Variants in SGCD observed in about 807,000 individuals in gnomAD.
SGCD encodes delta-sarcoglycan.
Under a neutral mutation model 36.6 loss-of-function variants are expected in SGCD, and 18 were observed. That is an observed-to-expected ratio of 0.49 (90% confidence interval 0.34 to 0.73). The LOEUF (loss-of-function observed/expected upper bound fraction) is 0.73, where lower values mean the gene tolerates loss of function less well. Ranked by LOEUF, SGCD falls within the 30% of genes least tolerant of loss-of-function variation. The pLI is 0.01. For missense variants in SGCD, 387 were observed against 346.7 expected, an observed-to-expected ratio of 1.12 and a Z score of -0.92; for synonymous variants, 133 against 130.6, an observed-to-expected ratio of 1.02 and a Z score of -0.12.
chr5:155,948,666 T>C (rs1354003259), intron 1 of SGCD, among the ~76,000 whole-genome samples: 2 of 152,172 alleles, frequency 1.3e-5, no homozygotes, highest in Non-Finnish European at 2.9e-5. Flanking sequence ...TTGCTAATGA[T>C]CTTAAATGGG....
intron 7 of SGCD, among the ~76,000 whole-genome samples, chr5:156,661,909 T>C (rs369429821): frequency 0.014 from 2,013 of 146,342 alleles, no homozygotes; most frequent in East Asian, 0.11. Flanking sequence ...TTAACTGTAC[T>C]GTGAGGAAGG....
chr5:156,335,772 GC>G (rs1215630904), intron 2 of SGCD, among the ~76,000 whole-genome samples: 1 of 151,934 alleles, frequency 6.6e-6, no homozygotes, highest in African/African-American at 2.4e-5. Flanking sequence ...CCTTTTTGAC[GC>G]CCCATGTCTC....
intron 1 of SGCD, among the ~76,000 whole-genome samples, chr5:155,947,292 CTTGTGTGT>C (rs775686498): frequency 3.8e-5 from 4 of 105,398 alleles, no homozygotes; most frequent in East Asian, 2.9e-4. Flanking sequence ...CATAAATACT[CTTGTGTGT>C]GTGTGTGTGT....
At chr5:156,669,049 A>G (rs1421911496) in intron 7 of SGCD, among the ~76,000 whole-genome samples, 1 of 152,184 alleles carries the variant, frequency 6.6e-6, no homozygotes, top group Non-Finnish European at 1.5e-5. Context: ...AATGGCCCAC[A>G]TGGGGTCCTG....
rs1471426462 is a variant in SGCD, at chr5:156,673,304, C to A, written c.575+25768C>A. On this transcript the variant is annotated intron_variant, in intron 7 of 8. Coordinates refer to ENST00000337851, the MANE Select transcript of SGCD (RefSeq NM_000337.6). Reference sequence around the variant, plus strand: ...TTCCGAAAGAGAATAATCCATTCCTCTTTCATTTACTGAAAGCAGTTTTAA... The same window carrying A: ...TTCCGAAAGAGAATAATCCATTCCTATTTCATTTACTGAAAGCAGTTTTAA... Among the ~76,000 whole-genome samples the A allele has an allele frequency of 3.3e-5, 5 of 152,192 alleles. No homozygotes were observed. In the East Asian group the frequency reaches 9.6e-4, roughly 29 times the overall value.
intron 7 of SGCD, among the ~76,000 whole-genome samples, chr5:156,648,350 A>G (rs763095912): frequency 1.3e-4 from 19 of 151,728 alleles, no homozygotes; most frequent in Non-Finnish European, 2.6e-4. Flanking sequence ...TTCATGATAG[A>G]CACCAACCAT....
At chr5:156,339,326 A>G (rs1561629833) in intron 2 of SGCD, among the ~76,000 whole-genome samples, 1 of 152,210 alleles carries the variant, frequency 6.6e-6, no homozygotes, top group Non-Finnish European at 1.5e-5. Flanking sequence ...AACATTGAAA[A>G]TAGTTTTATG....
At chr5:156,572,281 G>A (rs1759754412) in intron 4 of SGCD, among the ~76,000 whole-genome samples, 1 of 152,272 alleles carries the variant, frequency 6.6e-6, no homozygotes, top group African/African-American at 2.4e-5. Flanking sequence ...GAGTTGCTGA[G>A]TAATATGGGA....
chr5:155,864,427 A>G, the SGCD span, among the ~76,000 whole-genome samples: 1 of 152,070 alleles, frequency 6.6e-6, no homozygotes, highest in African/African-American at 2.4e-5. Flanking sequence ...ACATCGGTGG[A>G]GGCGGGGAGG....
rs147837605 is a variant in SGCD at position 155,889,215 on chromosome 5, T to C, written c.-282+18791T>C. On this transcript the variant is annotated intron_variant, in intron 1 of 9. Transcript: ENST00000517913. ...TATATTGATTCCAGGAAGAAACAAG[T>C]AAATGAACTTACCCACGTAGAGGAA... Among the ~76,000 whole-genome samples the C allele has an allele frequency of 3.9e-4, 60 of 152,304 alleles. 1 individual carries two copies. The highest frequency in any genetic ancestry group is 1.3e-3 in the African/African-American group (56 of 41,582).
chr5:155,980,127 T>A (rs374895964), intron 1 of SGCD, among the ~76,000 whole-genome samples: 139 of 152,236 alleles, frequency 9.1e-4, no homozygotes, highest in African/African-American at 3.2e-3. Flanking sequence ...AAGCCAACCA[T>A]GTTGGGACCC....
chr5:156,585,966 C>T (rs990931325), intron 4 of SGCD, among the ~76,000 whole-genome samples: 1 of 152,032 alleles, frequency 6.6e-6, no homozygotes, highest in Non-Finnish European at 1.5e-5. Flanking sequence ...TTCCTATTAA[C>T]ATCTAATATT....
intron 3 of SGCD, among the ~76,000 whole-genome samples, chr5:156,192,034 G>C (rs1763904393): frequency 6.6e-6 from 1 of 152,176 alleles, no homozygotes; most frequent in Non-Finnish European, 1.5e-5. Context: ...ACTTTGGAAT[G>C]ATCCAAGGAG....
intron 3 of SGCD, among the ~76,000 whole-genome samples, chr5:156,241,189 T>C (rs188445096): frequency 6.6e-6 from 1 of 152,128 alleles, no homozygotes. Context: ...GAAATTGATA[T>C]TCAGCTGAAC....
At chr5:156,606,245 G>A (rs1309919447) in intron 6 of SGCD, among the ~76,000 whole-genome samples, 1 of 152,182 alleles carries the variant, frequency 6.6e-6, no homozygotes, top group Non-Finnish European at 1.5e-5. Context: ...AAGGGATCCA[G>A]TTTCAGCTTT....
the SGCD span, among the ~76,000 whole-genome samples, chr5:155,855,459 T>G: frequency 3.9e-5 from 6 of 152,124 alleles, no homozygotes; most frequent in Non-Finnish European, 7.4e-5. Context: ...AATAATCTAC[T>G]TGTAGTGGAA....
chr5:156,079,018 TAAAAAAA>T (rs575699645), intron 1 of SGCD, among the ~76,000 whole-genome samples: 1 of 102,498 alleles, frequency 9.8e-6, no homozygotes, highest in African/African-American at 3.7e-5. Flanking sequence ...GGGTAATTTG[TAAAAAAA>T]AAAAAAAAAA....
intron 3 of SGCD, among the ~76,000 whole-genome samples, chr5:156,186,704 T>C (rs1763770279): frequency 6.6e-6 from 1 of 152,208 alleles, no homozygotes; most frequent in Admixed American, 6.5e-5. Context: ...CTGTCCTGTG[T>C]CTCCAAGCTA....
At chr5:156,344,797 C>A (rs1481733192) in intron 3 of SGCD, 120 bp downstream of exon 3, 1 of 687,580 alleles carries the variant, frequency 1.5e-6, no homozygotes, top group Non-Finnish European at 2.4e-6. Context: ...TCTGTAACCT[C>A]GTGTTTTGGT....
Sources: gnomAD v4.1 joint callset for allele counts (sites outside exome capture counted in the v4.1 genomes callset) on GRCh38, gnomAD v4.1.1 for gene constraint, MANE v1.5 for transcripts, NCBI Gene and HGNC (gene_info 2026-07-23, HGNC 2026-07-21) for gene names.